LRRC4C: variants seen among roughly 807,000 people sequenced by gnomAD.
LRRC4C encodes the protein leucine rich repeat containing 4C.
A neutral mutation model predicts 33.6 loss-of-function variants in LRRC4C; 5 were observed. The observed-to-expected ratio is 0.15, with a 90% CI of 0.08 to 0.31. The LOEUF (loss-of-function observed/expected upper bound fraction) is 0.31. LRRC4C is among the 10% of genes least tolerant of loss of function. The probability of loss-of-function intolerance (pLI) is 1.00; values close to 1 mark genes in which losing one functional copy is unlikely to be tolerated. For synonymous variants in LRRC4C, 329 were observed against 302.0 expected, an observed-to-expected ratio of 1.09 and a Z score of -0.93; for missense variants, 560 against 796.7, an observed-to-expected ratio of 0.70 and a Z score of 3.58.
chr11:40,354,908 T>C (rs534673121), intron 3 of LRRC4C, among the ~76,000 whole-genome samples: 1 of 152,016 alleles, frequency 6.6e-6, no homozygotes, highest in Admixed American at 6.5e-5. Context: ...GCAGAAGGAA[T>C]CTTTATCCAT....
At chr11:40,240,061 G>A (rs1003063591) in intron 5 of LRRC4C, among the ~76,000 whole-genome samples, 6 of 152,094 alleles carry the variant, frequency 3.9e-5, no homozygotes, top group Admixed American at 1.3e-4. Context: ...TTTAAGAAGC[G>A]TGGATACTGG....
At chr11:41,381,628 A>AG (rs950806390) in intron 1 of LRRC4C, among the ~76,000 whole-genome samples, 5 of 40,354 alleles carry the variant, frequency 1.2e-4, no homozygotes, top group African/African-American at 5.0e-4. Context: ...CTCTGCTTCA[A>AG]AAAAAAAAAA....
At chr11:40,941,369 T>A (rs996065094) in intron 1 of LRRC4C, among the ~76,000 whole-genome samples, 2 of 152,108 alleles carry the variant, frequency 1.3e-5, no homozygotes, top group Non-Finnish European at 2.9e-5. Context: ...ATAAATGCTC[T>A]CACATAGATT....
At chr11:41,325,715 C>G (rs1050891587) in intron 1 of LRRC4C, among the ~76,000 whole-genome samples, 4 of 151,814 alleles carry the variant, frequency 2.6e-5, no homozygotes, top group Non-Finnish European at 5.9e-5. Context: ...ACAACAACAA[C>G]AGCAAAAGAT....
At chr11:40,138,500 G>A (rs535044985) in intron 6 of LRRC4C, among the ~76,000 whole-genome samples, 1 of 152,212 alleles carries the variant, frequency 6.6e-6, no homozygotes, top group South Asian at 2.1e-4. Flanking sequence ...AAACCTCATG[G>A]CTTAGAAGTG....
chr11:40,604,523 C>T (rs146463099), intron 3 of LRRC4C, among the ~76,000 whole-genome samples: 177 of 151,990 alleles, frequency 1.2e-3, no homozygotes, highest in African/African-American at 3.9e-3. Context: ...CATAATATAG[C>T]GGAAAGGGTA....
chr11:40,422,640 G>A lies in LRRC4C; in HGVS notation c.-269-102919C>T, dbSNP rs997352054. Among the ~76,000 whole-genome samples, 12 of 151,256 alleles carry A rather than the reference G, an allele frequency of 7.9e-5. 1 individual carries two copies. Among genetic ancestry groups the A allele is most frequent in the African/African-American group, 2.9e-4 (12 of 41,192 alleles). On this transcript the variant is annotated intron_variant, in intron 3 of 6. Coordinates refer to ENST00000528697, the MANE Select transcript of LRRC4C (RefSeq NM_001258419.2). Reference sequence around the variant, plus strand: ...CCCAAGTTCTACGAAAACTGTATCAGTCATTCTTTTCTCTTACTTTAAAGG... The same window carrying A: ...CCCAAGTTCTACGAAAACTGTATCAATCATTCTTTTCTCTTACTTTAAAGG...
rs372695333 is a variant in LRRC4C, at chr11:40,352,414, G to A, written c.-269-32693C>T. On this transcript the variant is annotated intron_variant, in intron 3 of 6. Coordinates refer to ENST00000528697, the MANE Select transcript of LRRC4C (RefSeq NM_001258419.2). ...TTACAAATTAACTTCATCCCACTCC[G>A]CTTTTAAACTTTTGGTTGTTCCTAT... Among the ~76,000 whole-genome samples, 506 of 151,624 alleles carry A rather than the reference G, an allele frequency of 3.3e-3. 3 individuals are homozygous for A. Among genetic ancestry groups the A allele is most frequent in the African/African-American group, 0.011 (469 of 41,404 alleles).
intron 4 of LRRC4C, among the ~76,000 whole-genome samples, chr11:40,307,493 G>A (rs1945098189): frequency 6.6e-6 from 1 of 152,144 alleles, no homozygotes. Flanking sequence ...TTTCCTAGGG[G>A]AAGTTTCCCA....
chr11:41,108,928 G>A (rs533076856), intron 1 of LRRC4C, among the ~76,000 whole-genome samples: 14 of 152,188 alleles, frequency 9.2e-5, no homozygotes, highest in African/African-American at 3.1e-4. Context: ...GCACATCCAC[G>A]TTCATTCCCA....
intron 1 of LRRC4C, among the ~76,000 whole-genome samples, chr11:40,942,020 A>G (rs946347607): frequency 6.6e-6 from 1 of 152,160 alleles, no homozygotes; most frequent in African/African-American, 2.4e-5. Flanking sequence ...GGCAGTGAGC[A>G]GGTGAATAAG....
intron 3 of LRRC4C, among the ~76,000 whole-genome samples, chr11:40,326,934 G>A (rs1477741309): frequency 1.3e-5 from 2 of 152,178 alleles, no homozygotes; most frequent in Non-Finnish European, 2.9e-5. Context: ...GAGTGATAAA[G>A]GTTTCAAACA....
chr11:40,780,748 A>G (rs1266074140), intron 2 of LRRC4C, among the ~76,000 whole-genome samples: 4 of 151,926 alleles, frequency 2.6e-5, no homozygotes, highest in Non-Finnish European at 1.5e-5. Flanking sequence ...ATAACACTCC[A>G]TGAATTCAGA....
intron 1 of LRRC4C, among the ~76,000 whole-genome samples, chr11:41,419,216 G>A (rs1354798564): frequency 6.6e-6 from 1 of 151,850 alleles, no homozygotes; most frequent in Admixed American, 6.6e-5. Flanking sequence ...TACCTTCTAA[G>A]GGACACTGAC....
intron 1 of LRRC4C, among the ~76,000 whole-genome samples, chr11:41,198,983 G>A (rs1229031548): frequency 5.3e-5 from 8 of 152,064 alleles, no homozygotes. Flanking sequence ...AGTTGCCTTC[G>A]TTTATTGAAG....
At chr11:40,519,372 G>A (rs760091069) in intron 3 of LRRC4C, among the ~76,000 whole-genome samples, 3 of 152,142 alleles carry the variant, frequency 2.0e-5, no homozygotes, top group Non-Finnish European at 2.9e-5. Flanking sequence ...ATATTAAAAT[G>A]TAATGTTTCA....
chr11:41,103,651 C>T (rs1328967800), intron 1 of LRRC4C, among the ~76,000 whole-genome samples: 1 of 151,762 alleles, frequency 6.6e-6, no homozygotes, highest in Non-Finnish European at 1.5e-5. Context: ...AGGCAATGCT[C>T]CTTAAAACAG....
chr11:40,136,465 A>C lies in LRRC4C; in HGVS notation c.-43+4336T>G, dbSNP rs368663614. ...TTTTTTTTTTGTATTTTTAGTAGAG[A>C]CCAGGTTTCACCATGTTAGCCAGGA... On this transcript the variant is annotated intron_variant, in intron 6 of 6. Transcript: ENST00000528697. Among the ~76,000 whole-genome samples the C allele has an allele frequency of 4.8e-4, 71 of 147,622 alleles. 2 individuals carry two copies. In the South Asian group the frequency reaches 0.015, roughly 31 times the overall value.
intron 1 of LRRC4C, among the ~76,000 whole-genome samples, chr11:41,183,372 AT>A (rs753108247): frequency 2.7e-3 from 405 of 152,274 alleles, no homozygotes; most frequent in Non-Finnish European, 4.1e-3. Flanking sequence ...CCTACATACA[AT>A]GGAGGTGGGG....
Sources: allele counts gnomAD v4.1 joint callset (sites outside exome capture counted in the v4.1 genomes callset), GRCh38; gene constraint gnomAD v4.1.1; transcripts MANE v1.5; gene names NCBI Gene and HGNC (gene_info 2026-07-23, HGNC 2026-07-21).